The following RBM41 variants were observed in gnomAD, a reference collection of about 807,000 sequenced individuals.
RBM41 encodes RNA binding motif protein 41.
A neutral mutation model predicts 30.8 loss-of-function variants in RBM41; 14 were observed. The observed-to-expected ratio is 0.45, with a 90% CI of 0.30 to 0.71. The LOEUF (loss-of-function observed/expected upper bound fraction) is 0.71, where lower values mean the gene tolerates loss of function less well. Among genes scored for constraint, RBM41 ranks in the 30% least tolerant of loss-of-function variants. The pLI is 0.08. For synonymous variants in RBM41, 120 were observed against 110.1 expected (o/e 1.09, Z -0.56); for missense variants, 276 against 326.3 (o/e 0.85, Z 1.19).
chrX:107,113,538 A>G, intron 4 of RBM41, 70 bp from the exon 5 acceptor site: 1 of 970,152 alleles, frequency 1.0e-6, no homozygotes, highest in South Asian at 2.1e-5. Context: ...CCCACCCTCC[A>G]CCCCAAATAC....
rs1234977311 is a variant in RBM41, at chrX:107,113,486, A to G, written c.524-18T>C. 2.0e-6 allele frequency: 2 copies of G among 982,257 alleles called. No homozygotes were observed. The highest frequency in any genetic ancestry group is 4.0e-5 in the African/African-American group (2 of 50,632). The allele number at this position is 982,257 out of a possible 1,213,427, so 80.9% of individuals were successfully genotyped here. Reference sequence around the variant, plus strand: ...GTGGTATGCTGTGAAGGTTTAAAGCAAGGAGTTTCAAAGATAGGAAACAGA... The same window carrying G: ...GTGGTATGCTGTGAAGGTTTAAAGCGAGGAGTTTCAAAGATAGGAAACAGA... On this transcript the variant is annotated intron_variant, in intron 4 of 7. Coordinates refer to ENST00000685964, the MANE Select transcript of RBM41 (RefSeq NM_001324242.2).
At chrX:107,054,993 G>T in the RBM41 span, among the ~76,000 whole-genome samples, 1 of 112,180 alleles carries the variant, frequency 8.9e-6, no homozygotes, top group Non-Finnish European at 1.9e-5. Context: ...TAACCATTAA[G>T]CAGTAACTCC....
At chrX:107,053,764 G>A in the RBM41 span, among the ~76,000 whole-genome samples, 2 of 111,342 alleles carry the variant, frequency 1.8e-5, no homozygotes, top group Non-Finnish European at 3.8e-5. Flanking sequence ...TTTTTCTCTT[G>A]CCTGACCTTG....
intron 6 of RBM41, among the ~76,000 whole-genome samples, chrX:107,082,856 T>C (rs1332205202): frequency 9.0e-6 from 1 of 111,309 alleles, no homozygotes; most frequent in East Asian, 2.8e-4. Flanking sequence ...CCTTATAATA[T>C]CACTGTTACT....
At chrX:107,088,964 T>C in intron 5 of RBM41, 125 bp from the exon 6 acceptor site, 2 of 914,471 alleles carry the variant, frequency 2.2e-6, no homozygotes, top group East Asian at 6.5e-5. Flanking sequence ...CTTTACAACC[T>C]GTGACAAATG....
At chrX:107,111,799 T>G (rs936673934) in intron 5 of RBM41, among the ~76,000 whole-genome samples, 1 of 111,695 alleles carries the variant, frequency 9.0e-6, no homozygotes, top group Non-Finnish European at 1.9e-5. Context: ...TATTGTATGA[T>G]TCCACTTATA....
chrX:107,074,638 G>C (rs1170842876), intron 6 of RBM41, among the ~76,000 whole-genome samples: 1 of 111,170 alleles, frequency 9.0e-6, no homozygotes, highest in Non-Finnish European at 1.9e-5. Flanking sequence ...AATATGAAGA[G>C]GAAATTAAGA....
At chrX:107,060,420 T>C (rs184316517), downstream of RBM41, among the ~76,000 whole-genome samples, 221 of 110,067 alleles carry the variant, frequency 2.0e-3, no homozygotes, top group Non-Finnish European at 3.2e-3. Flanking sequence ...AATGATGTTA[T>C]AAAAAGGGAT....
At position 107,105,572 on chromosome X, in the gene RBM41, G is replaced by T. The variant is rs189057060; in HGVS notation, c.595+7825C>A. 4.7e-3 allele frequency among the ~76,000 whole-genome samples: 522 copies of T among 110,956 alleles called. 4 individuals are homozygous for T. The highest frequency in any genetic ancestry group is 0.016 in the African/African-American group (488 of 30,486). On this transcript the variant is annotated intron_variant, in intron 5 of 7. Coordinates refer to ENST00000685964, the MANE Select transcript of RBM41 (RefSeq NM_001324242.2). ...GTCCGCATTGCCAAGTCAATCCTAA[G>T]CCAAAAGAAAAAGCTGGAGGCATCA... is the stretch of plus-strand genomic sequence containing the variant.
chrX:107,108,372 C>T (rs1300148981), intron 5 of RBM41, among the ~76,000 whole-genome samples: 1 of 111,143 alleles, frequency 9.0e-6, no homozygotes, highest in African/African-American at 3.3e-5. Flanking sequence ...TCCGTGACTC[C>T]CATTGAATAA....
intron 5 of RBM41, among the ~76,000 whole-genome samples, chrX:107,112,213 A>G (rs1212574731): frequency 8.9e-6 from 1 of 111,830 alleles, no homozygotes; most frequent in Non-Finnish European, 1.9e-5. Flanking sequence ...ACCCAATTAT[A>G]AAACAGCAAA....
At chrX:107,068,104 C>CT (rs1359624741) in intron 7 of RBM41, among the ~76,000 whole-genome samples, 2 of 110,943 alleles carry the variant, frequency 1.8e-5, no homozygotes, top group African/African-American at 3.3e-5. Flanking sequence ...CACTTTGCCA[C>CT]TTTTTTTTCA....
At chrX:107,085,509 C>T (rs1279507558) in intron 6 of RBM41, among the ~76,000 whole-genome samples, 6 of 111,122 alleles carry the variant, frequency 5.4e-5, no homozygotes, top group African/African-American at 2.0e-4. Context: ...CTCAGGTGAT[C>T]TGCTGGCCTC....
intron 6 of RBM41, among the ~76,000 whole-genome samples, chrX:107,083,477 A>G (rs1921732151): frequency 9.0e-6 from 1 of 110,529 alleles, no homozygotes; most frequent in Non-Finnish European, 1.9e-5. Flanking sequence ...ATCCATTACT[A>G]CTTCAAATAT....
In RBM41 at chrX:107,065,156, A is replaced by G. The variant is rs568929468; in HGVS notation, c.*2371T>C. On this transcript the variant is annotated 3_prime_UTR_variant, in exon 8 of 8. Transcript: ENST00000685964. ...TACCTTTAATCTCTTTCTATCTTCT[A>G]AAGTGTGTCTCAAATAGATGGCATG... The G allele has an allele frequency of 1.8e-5, 2 of 111,350 alleles. No homozygotes were observed. The highest frequency in any genetic ancestry group is 6.5e-5 in the African/African-American group (2 of 30,706). The allele number at this position is 111,350 out of a possible 1,213,427, so 9.2% of individuals were successfully genotyped here. A position where few individuals can be genotyped will look rare whatever the true frequency, so the allele number is the denominator to read the frequency against.
chrX:107,082,331 G>C (rs996353068), intron 6 of RBM41, among the ~76,000 whole-genome samples: 1 of 111,506 alleles, frequency 9.0e-6, no homozygotes, highest in Admixed American at 9.5e-5. Flanking sequence ...TTCAAATGTT[G>C]AACCTATGGT....
At chrX:107,111,116 A>C (rs1302026477) in intron 5 of RBM41, among the ~76,000 whole-genome samples, 1 of 111,598 alleles carries the variant, frequency 9.0e-6, no homozygotes, top group Non-Finnish European at 1.9e-5. Context: ...AATTCTTGGA[A>C]TAGGAGAAAA....
At chrX:107,054,827 T>C in the RBM41 span, among the ~76,000 whole-genome samples, 1 of 111,964 alleles carries the variant, frequency 8.9e-6, no homozygotes, top group Admixed American at 9.5e-5. Context: ...TTGGGTGGCT[T>C]GATGGCACAA....
At chrX:107,113,688 G>A (rs1271750230) in intron 4 of RBM41, among the ~76,000 whole-genome samples, 1 of 111,938 alleles carries the variant, frequency 8.9e-6, no homozygotes, top group Non-Finnish European at 1.9e-5. Context: ...GCATCTCATA[G>A]CTAGTTAAGT....
Sources: allele counts gnomAD v4.1 joint callset (sites outside exome capture counted in the v4.1 genomes callset), GRCh38; gene constraint gnomAD v4.1.1; transcripts MANE v1.5; gene names NCBI Gene and HGNC (gene_info 2026-07-23, HGNC 2026-07-21).